NEXMIF: variants seen among roughly 807,000 people sequenced by gnomAD.
The protein encoded by NEXMIF is neurite extension and migration factor, also known as XLMR protein related to neurite extension.
In NEXMIF, 8 loss-of-function variants were observed where a neutral mutation model predicts 62.1. That is an observed-to-expected ratio of 0.13 (90% CI 0.08 to 0.23). NEXMIF has a LOEUF of 0.23. Among genes scored for constraint, NEXMIF ranks in the 10% least tolerant of loss-of-function variants. The probability of loss-of-function intolerance (pLI) is 1.00; values close to 1 mark genes in which losing one functional copy is unlikely to be tolerated. For synonymous variants in NEXMIF, 404 were observed against 416.6 expected, an observed-to-expected ratio of 0.97 and a Z score of 0.37; for missense variants, 976 against 1,113.3, an observed-to-expected ratio of 0.88 and a Z score of 1.75.
intron 1 of NEXMIF, among the ~76,000 whole-genome samples, chrX:74,879,623 C>T (rs752259663): frequency 3.3e-3 from 365 of 112,094 alleles, no homozygotes; most frequent in Non-Finnish European, 5.7e-3. Flanking sequence ...AGACCACTCC[C>T]ATTTCAAGAA....
At chrX:74,809,924 C>A (rs993609264) in intron 1 of NEXMIF, among the ~76,000 whole-genome samples, 17 of 111,448 alleles carry the variant, frequency 1.5e-4, no homozygotes, top group African/African-American at 4.6e-4. Flanking sequence ...AACAGTGGAA[C>A]CCGGGAAACT....
chrX:74,885,676 G>A (rs1057486667), intron 1 of NEXMIF, among the ~76,000 whole-genome samples: 18 of 111,628 alleles, frequency 1.6e-4, no homozygotes, highest in African/African-American at 5.5e-4. Flanking sequence ...ACCAAAAAAA[G>A]TCCAGGGACC....
At chrX:74,857,359 G>C (rs1040237637) in intron 1 of NEXMIF, among the ~76,000 whole-genome samples, 3 of 112,244 alleles carry the variant, frequency 2.7e-5, no homozygotes, top group African/African-American at 9.7e-5. Context: ...CAGAGTCTTA[G>C]CACCCCAGTT....
intron 1 of NEXMIF, among the ~76,000 whole-genome samples, chrX:74,811,712 TAC>T (rs1031750493): frequency 3.0e-4 from 34 of 112,778 alleles, no homozygotes; most frequent in African/African-American, 1.1e-3. Context: ...TGTAGGCTAT[TAC>T]ATTCTTTGAA....
chrX:74,868,675 G>A (rs993329841), intron 1 of NEXMIF, among the ~76,000 whole-genome samples: 1 of 110,030 alleles, frequency 9.1e-6, no homozygotes, highest in African/African-American at 3.3e-5. Context: ...ATACATGTGG[G>A]GCTTAATACC....
chrX:74,735,746 C>T lies in NEXMIF; in HGVS notation c.*3659G>A, dbSNP rs1020088186. 9.8e-5 allele frequency: 11 copies of T among 111,785 alleles called. No homozygotes were observed. The highest frequency in any genetic ancestry group is 3.3e-4 in the African/African-American group (10 of 30,679). 9.2% of individuals were successfully genotyped at this position (111,785 alleles called of 1,213,427 possible). On this transcript the variant is annotated 3_prime_UTR_variant, in exon 4 of 4. Coordinates refer to ENST00000055682, the MANE Select transcript of NEXMIF (RefSeq NM_001008537.3). ...ATCAGGAAAAGGTAAGGCCTTGACA[C>T]ATAGTTGCAGAGTAACAAGAAGTCA...
intron 1 of NEXMIF, among the ~76,000 whole-genome samples, chrX:74,869,585 C>G (rs144582840): frequency 1.8e-5 from 2 of 111,564 alleles, no homozygotes; most frequent in Non-Finnish European, 3.8e-5. Flanking sequence ...AATGACTCCA[C>G]AAAAAACAAT....
At chrX:74,892,329 T>C (rs1218437780) in intron 1 of NEXMIF, among the ~76,000 whole-genome samples, 4 of 112,267 alleles carry the variant, frequency 3.6e-5, no homozygotes, top group Admixed American at 1.9e-4. Flanking sequence ...TCCAAGACTT[T>C]ACAGGGCTCT....
Position 74,741,876 on chromosome X carries a change from G to T in NEXMIF, c.2681C>A (p.Thr894Asn). 8.3e-7 allele frequency: 1 copy of T among 1,211,895 alleles called. No individual in the cohort carries two copies. Among genetic ancestry groups the T allele is most frequent in the African/African-American group, 1.7e-5 (1 of 57,910 alleles). The change falls in exon 3 of 4, where the codon ACT becomes AAT. Residue 894 changes from threonine to asparagine, a missense_variant. By Grantham distance (65) the Thr-to-Asn change is moderately conservative. Coordinates refer to ENST00000055682, the MANE Select transcript of NEXMIF (RefSeq NM_001008537.3). ...NYRNVWPNKA[T>N]SGTQEFMAEV... ...AGCCATGAATTCCTGGGTGCCAGAA[G>T]TAGCCTTGTTGGGCCACACATTTCT...
At chrX:74,761,534 G>A (rs2080175947) in intron 1 of NEXMIF, among the ~76,000 whole-genome samples, 1 of 111,133 alleles carries the variant, frequency 9.0e-6, no homozygotes, top group Non-Finnish European at 1.9e-5. Context: ...AGTCTCTGGT[G>A]GTTGTTTGTA....
In NEXMIF at chrX:74,857,426, C is replaced by T. The variant is rs148635179; in HGVS notation, c.-48+67457G>A. Among the ~76,000 whole-genome samples the T allele has an allele frequency of 4.3e-3, 485 of 111,924 alleles. 1 individual carries two copies. Among genetic ancestry groups the T allele is most frequent in the African/African-American group, 0.015 (466 of 30,846 alleles). On this transcript the variant is annotated intron_variant, in intron 1 of 3. Coordinates refer to ENST00000055682, the MANE Select transcript of NEXMIF (RefSeq NM_001008537.3). ...ACACATTCTGAAACAGAAGGGTACCCGTTGCCTTCAAGGGAAGGACCTGGT... is the reference window on the plus strand; with the variant it reads ...ACACATTCTGAAACAGAAGGGTACCTGTTGCCTTCAAGGGAAGGACCTGGT...
At chrX:74,871,765 C>T (rs759187746) in intron 1 of NEXMIF, among the ~76,000 whole-genome samples, 2 of 111,800 alleles carry the variant, frequency 1.8e-5, no homozygotes, top group African/African-American at 6.5e-5. Context: ...GCAGTCAGCC[C>T]TTATGGTTAT....
Position 74,831,196 on chromosome X carries a change from T to A in NEXMIF, c.-47-85499A>T, listed in dbSNP as rs763009019. 3.3e-3 allele frequency among the ~76,000 whole-genome samples: 368 copies of A among 111,473 alleles called. 2 individuals carry two copies. Among genetic ancestry groups the A allele is most frequent in the African/African-American group, 0.011 (344 of 30,671 alleles). ...CAAATTTCCCATAATGAACATTTTT[T>A]AAAATTATTATTATACTTTAAGTTT... On this transcript the variant is annotated intron_variant, in intron 1 of 3. Coordinates refer to ENST00000055682, the MANE Select transcript of NEXMIF (RefSeq NM_001008537.3).
At chrX:74,837,327 T>C (rs745999815) in intron 1 of NEXMIF, among the ~76,000 whole-genome samples, 2 of 112,053 alleles carry the variant, frequency 1.8e-5, no homozygotes, top group African/African-American at 3.2e-5. Flanking sequence ...AAATTTGGTG[T>C]TCCTGTGGGG....
chrX:74,760,258 T>C (rs969183973), intron 1 of NEXMIF, among the ~76,000 whole-genome samples: 1 of 112,302 alleles, frequency 8.9e-6, no homozygotes, highest in Non-Finnish European at 1.9e-5. Flanking sequence ...GAGACTTTGC[T>C]GAAGTTGTTT....
At chrX:74,906,640 A>G (rs921463304) in intron 1 of NEXMIF, among the ~76,000 whole-genome samples, 3 of 110,444 alleles carry the variant, frequency 2.7e-5, no homozygotes, top group African/African-American at 9.9e-5. Flanking sequence ...TCCCTTCTTG[A>G]GCCAAATTCC....
In NEXMIF at chrX:74,864,347, G is replaced by T. The variant is rs1307555189; in HGVS notation, c.-48+60536C>A. On this transcript the variant is annotated intron_variant, in intron 1 of 3. Coordinates refer to ENST00000055682, the MANE Select transcript of NEXMIF (RefSeq NM_001008537.3). ...AAAACCCCATCGTCTCAGCCCCAAAGCTTCTTAAGCTAATAAGCAACTTCA... is the reference window on the plus strand; with the variant it reads ...AAAACCCCATCGTCTCAGCCCCAAATCTTCTTAAGCTAATAAGCAACTTCA... Among the ~76,000 whole-genome samples the T allele has an allele frequency of 4.5e-5, 5 of 112,072 alleles. No homozygotes were observed. In the Admixed American group the frequency reaches 4.7e-4, roughly 11 times the overall value.
chrX:74,890,303 T>A (rs2147364810), intron 1 of NEXMIF, among the ~76,000 whole-genome samples: 1 of 111,081 alleles, frequency 9.0e-6, no homozygotes, highest in African/African-American at 3.3e-5. Flanking sequence ...AATACCTATA[T>A]ACCTTTATTA....
At chrX:74,842,207 G>T (rs1417765869) in intron 1 of NEXMIF, among the ~76,000 whole-genome samples, 1 of 111,403 alleles carries the variant, frequency 9.0e-6, no homozygotes, top group Admixed American at 9.5e-5. Flanking sequence ...TCAGTCTTGG[G>T]AGAGAGTATG....
Sources: gnomAD v4.1 joint callset for allele counts (sites outside exome capture counted in the v4.1 genomes callset) on GRCh38, gnomAD v4.1.1 for gene constraint, MANE v1.5 for transcripts, NCBI Gene and HGNC (gene_info 2026-07-23, HGNC 2026-07-21) for gene names.